Variants in MSH4 observed in about 807,000 individuals in gnomAD.
MSH4 encodes mutS homolog 4.
MSH4 carries 106 observed loss-of-function variants against 113.7 expected under a neutral mutation model. That is an observed-to-expected ratio of 0.93 (90% CI 0.80 to 1.10). The LOEUF is 1.10. MSH4 is among the 50% of genes least tolerant of loss of function. The probability of loss-of-function intolerance (pLI) is 0.00; values close to 1 mark genes in which losing one functional copy is unlikely to be tolerated. For synonymous variants in MSH4, 368 were observed against 380.2 expected (o/e 0.97, Z 0.37); for missense variants, 1,061 against 1,093.7 (o/e 0.97, Z 0.42).
At chr1:75,877,177 T>C (rs1214849905) in intron 10 of MSH4, among the ~76,000 whole-genome samples, 177 bp downstream of exon 10, 1 of 152,090 alleles carries the variant, frequency 6.6e-6, no homozygotes, top group African/African-American at 2.4e-5. Flanking sequence ...GTAGAATAAA[T>C]AGGGTAACAA....
At chr1:75,879,246 T>C in intron 12 of MSH4, 118 bp downstream of exon 12, 1 of 853,656 alleles carries the variant, frequency 1.2e-6, no homozygotes, top group South Asian at 1.6e-5. Context: ...TATCTTCTCC[T>C]ATTCCTACCC....
rs142555448 is a variant in MSH4 at position 75,899,680 on chromosome 1, A to G, written c.2593A>G (p.Thr865Ala). 4.0e-5 allele frequency: 61 copies of G among 1,509,416 alleles called. No homozygotes were observed. The African/African-American group carries it at 7.8e-4, about 19-fold the overall frequency. The allele number at this position is 1,509,416 out of a possible 1,614,324, so 93.5% of individuals were successfully genotyped here. A position where few individuals can be genotyped will look rare whatever the true frequency, so the allele number is the denominator to read the frequency against. Reference protein sequence around the residue: ...PSIVLDAKEITTQITRQILQN... With the variant: ...PSIVLDAKEIATQITRQILQN... ...AATTGTCTTGGATGCCAAGGAAATC[A>G]CAACTCAAATTACGAGACAAATTTT... The change falls in exon 19 of 20, where the codon ACA (threonine) becomes GCA (alanine). Residue 865 changes from threonine to alanine, a missense_variant. Physicochemically the swap from Thr to Ala is moderately conservative, Grantham distance 58. Coordinates refer to ENST00000263187, the MANE Select transcript of MSH4 (RefSeq NM_002440.4).
At chr1:75,878,053 C>A in intron 10 of MSH4, 96 bp from the exon 11 acceptor site, 2 of 911,290 alleles carry the variant, frequency 2.2e-6, no homozygotes, top group Non-Finnish European at 3.2e-6. Context: ...TAACTTTCAA[C>A]AAAAATTTGC....
chr1:75,846,800 T>C (rs979173762), intron 7 of MSH4, among the ~76,000 whole-genome samples: 3 of 152,198 alleles, frequency 2.0e-5, no homozygotes, highest in Admixed American at 2.0e-4. Flanking sequence ...TCCTCCAAAT[T>C]CTTCCAACCT....
At position 75,816,564 on chromosome 1, in the gene MSH4, A is replaced by G; in HGVS notation, c.989+18A>G. The G allele has an allele frequency of 7.0e-7, 1 of 1,436,028 alleles. No individual in the cohort carries two copies. The highest frequency in any genetic ancestry group is 1.9e-4 in the Middle Eastern group (1 of 5,398). The allele number at this position is 1,436,028 out of a possible 1,614,324, so 89.0% of individuals were successfully genotyped here. ...GACTATAGGTAAGATCATCCATTTTATTTGTATAAAATATATCGGTATATA... is the reference window on the plus strand; with the variant it reads ...GACTATAGGTAAGATCATCCATTTTGTTTGTATAAAATATATCGGTATATA... On this transcript the variant is annotated intron_variant, in intron 6 of 19. Transcript: ENST00000263187.
At chr1:75,910,357 T>A (rs1357061660) in intron 19 of MSH4, among the ~76,000 whole-genome samples, 1 of 152,132 alleles carries the variant, frequency 6.6e-6, no homozygotes, top group Non-Finnish European at 1.5e-5. Context: ...TGTGGAATTA[T>A]TCTCTCCTGG....
At chr1:75,817,463 C>G (rs1650318317) in intron 6 of MSH4, among the ~76,000 whole-genome samples, 2 of 152,144 alleles carry the variant, frequency 1.3e-5, no homozygotes. Context: ...GTTTTATATT[C>G]AGTTTTACCT....
At chr1:75,890,183 A>G (rs997913059) in intron 16 of MSH4, among the ~76,000 whole-genome samples, 2 of 152,046 alleles carry the variant, frequency 1.3e-5, no homozygotes, top group African/African-American at 4.8e-5. Context: ...CTGTCAATTT[A>G]AGTCTTAGTC....
At chr1:75,863,156 G>A (rs1056715566) in intron 8 of MSH4, among the ~76,000 whole-genome samples, 1 of 151,842 alleles carries the variant, frequency 6.6e-6, no homozygotes, top group African/African-American at 2.4e-5. Context: ...TGAAGTATAT[G>A]ATTCCTTCTT....
chr1:75,885,568 AGTATTATAT>A (rs1158934681), intron 15 of MSH4, among the ~76,000 whole-genome samples: 3 of 79,782 alleles, frequency 3.8e-5, no homozygotes, highest in Non-Finnish European at 4.9e-5. Context: ...GTATATGTAA[AGTATTATAT>A]GTATTATATG....
intron 6 of MSH4, among the ~76,000 whole-genome samples, chr1:75,822,204 G>A (rs1002230541): frequency 6.6e-6 from 1 of 151,468 alleles, no homozygotes; most frequent in Admixed American, 6.6e-5. Flanking sequence ...CAGGAGAATG[G>A]CGTGAACCTT....
At chr1:75,805,144 G>A (rs1366899616) in intron 2 of MSH4, among the ~76,000 whole-genome samples, 1 of 141,786 alleles carries the variant, frequency 7.1e-6, no homozygotes, top group African/African-American at 2.6e-5. Flanking sequence ...TTATTTTTAA[G>A]TAGAAAATAA....
intron 1 of MSH4, among the ~76,000 whole-genome samples, chr1:75,798,785 T>G (rs1259394091): frequency 6.6e-6 from 1 of 152,094 alleles, no homozygotes; most frequent in Non-Finnish European, 1.5e-5. Context: ...CTCGAACTTC[T>G]AGGCTCAAGC....
At chr1:75,829,527 G>A (rs1339035716) in intron 7 of MSH4, among the ~76,000 whole-genome samples, 6 of 152,204 alleles carry the variant, frequency 3.9e-5, no homozygotes, top group African/African-American at 7.2e-5. Context: ...TAACTGGGAG[G>A]CATCTCCCAG....
rs528110409 is a variant in MSH4, at chr1:75,908,062, T to C, written c.2620-4634T>C. 3.3e-5 allele frequency among the ~76,000 whole-genome samples: 5 copies of C among 151,278 alleles called. No individual in the cohort carries two copies. The East Asian group carries it at 9.8e-4, about 30-fold the overall frequency. ...ATCTATTTCTTTTTTGGAGAGCCTC[T>C]GTAGTTTTTTTAAGTTCAACAAATG... On this transcript the variant is annotated intron_variant, in intron 19 of 19. Transcript: ENST00000263187.
At chr1:75,901,202 T>C (rs1260177045) in intron 19 of MSH4, among the ~76,000 whole-genome samples, 20 of 152,196 alleles carry the variant, frequency 1.3e-4, no homozygotes, top group Admixed American at 1.2e-3. Context: ...TTTTGAACTA[T>C]ACGACACATA....
intron 7 of MSH4, among the ~76,000 whole-genome samples, chr1:75,843,407 G>C (rs1651008701): frequency 6.6e-6 from 1 of 152,132 alleles, no homozygotes; most frequent in South Asian, 2.1e-4. Flanking sequence ...GAAGGGGTAA[G>C]GGGATTCTCT....
At chr1:75,854,013 G>GATATATATATATATATA (rs1651255274) in intron 8 of MSH4, among the ~76,000 whole-genome samples, 1 of 116,838 alleles carries the variant, frequency 8.6e-6, no homozygotes, top group Non-Finnish European at 1.9e-5. Context: ...GTGTGTGTGT[G>GATATATATATATATATA]TATATATATA....
chr1:75,819,530 G>C (rs187879509), intron 6 of MSH4, among the ~76,000 whole-genome samples: 35 of 152,300 alleles, frequency 2.3e-4, no homozygotes, highest in Middle Eastern at 3.4e-3. Context: ...ATCGCCATTA[G>C]GCTGTAAGGT....
Sources: gnomAD v4.1 joint callset for allele counts (sites outside exome capture counted in the v4.1 genomes callset) on GRCh38, gnomAD v4.1.1 for gene constraint, MANE v1.5 for transcripts, NCBI Gene and HGNC (gene_info 2026-07-23, HGNC 2026-07-21) for gene names.